Variants in LRIG2 observed in about 807,000 individuals in gnomAD.
LRIG2 encodes the protein leucine-rich repeats and immunoglobulin-like domains protein 2.
Under a neutral mutation model 107.8 loss-of-function variants are expected in LRIG2, and 93 were observed. The ratio of observed to expected loss-of-function variants is 0.86; its 90% CI spans 0.73 to 1.03. LRIG2 has a LOEUF of 1.03. LRIG2 is among the 50% of genes least tolerant of loss of function. The pLI is 0.00. For missense variants in LRIG2, 1,226 were observed against 1,296.0 expected, an observed-to-expected ratio of 0.95 and a Z score of 0.83; for synonymous variants, 471 against 470.6, an observed-to-expected ratio of 1.00 and a Z score of -0.01.
chr1:113,112,557 A>AG lies in LRIG2; in HGVS notation c.1880dup (p.His628ThrfsTer15). ...ATGGCCAGATTAGAATGTGCTGCAG[A>AG]GGGACACCCTGCACCTCAGATTTCC... On this transcript the variant is annotated frameshift_variant, in exon 14 of 18. Coordinates refer to ENST00000361127, the MANE Select transcript of LRIG2 (RefSeq NM_014813.3). LOFTEE classifies it high-confidence loss of function. 1 of 1,614,128 alleles carries AG rather than the reference A, an allele frequency of 6.2e-7. No homozygotes were observed. Among genetic ancestry groups the AG allele is most frequent in the Non-Finnish European group, 8.5e-7 (1 of 1,179,958 alleles).
chr1:113,084,892 T>C (rs867520874), intron 1 of LRIG2, among the ~76,000 whole-genome samples: 1 of 152,206 alleles, frequency 6.6e-6, no homozygotes, highest in African/African-American at 2.4e-5. Flanking sequence ...AGAAAATGAC[T>C]CAACACATTT....
intron 1 of LRIG2, among the ~76,000 whole-genome samples, chr1:113,089,676 C>CTTTTTTTTTTT (rs35515644): frequency 9.8e-5 from 7 of 71,672 alleles, no homozygotes; most frequent in Non-Finnish European, 1.5e-4. Context: ...AGGTGGATTG[C>CTTTTTTTTTTT]TTTTTTTTTT....
At chr1:113,118,566 G>GTC (rs1655111691) in intron 16 of LRIG2, among the ~76,000 whole-genome samples, 1 of 152,148 alleles carries the variant, frequency 6.6e-6, no homozygotes, top group South Asian at 2.1e-4. Flanking sequence ...GGCATGATCT[G>GTC]TCTATCCACA....
intron 1 of LRIG2, among the ~76,000 whole-genome samples, chr1:113,089,738 G>T (rs1378169313): frequency 7.2e-6 from 1 of 138,632 alleles, no homozygotes; most frequent in Non-Finnish European, 1.5e-5. Context: ...CTGGAGTGCA[G>T]TGGTGCAATC....
intron 1 of LRIG2, among the ~76,000 whole-genome samples, chr1:113,079,555 C>T (rs1166906331): frequency 1.6e-4 from 23 of 145,874 alleles, no homozygotes; most frequent in African/African-American, 5.8e-4. Context: ...TGGTGGCGGG[C>T]GCCTGTAATC....
chr1:113,128,358 C>G lies in LRIG2; in HGVS notation c.*4257C>G, dbSNP rs1473042668. 2.6e-5 allele frequency: 4 copies of G among 152,134 alleles called. No individual in the cohort carries two copies. The highest frequency in any genetic ancestry group is 5.9e-5 in the Non-Finnish European group (4 of 68,030). 9.4% of individuals were successfully genotyped at this position (152,134 alleles called of 1,614,324 possible). A position where few individuals can be genotyped will look rare whatever the true frequency, so the allele number is the denominator to read the frequency against. On this transcript the variant is annotated 3_prime_UTR_variant, in exon 18 of 18. Coordinates refer to ENST00000361127, the MANE Select transcript of LRIG2 (RefSeq NM_014813.3). ...TGGTGTAGTTTGTACTAGACTGACTCATTAAGACCTTGTACGCTTCCTGAG... is the reference window on the plus strand; with the variant it reads ...TGGTGTAGTTTGTACTAGACTGACTGATTAAGACCTTGTACGCTTCCTGAG...
Position 113,112,547 on chromosome 1 carries a change from T to C in LRIG2, c.1867T>C (p.Cys623Arg), listed in dbSNP as rs1433894143. 7 of 1,614,176 alleles carry C rather than the reference T, an allele frequency of 4.3e-6. No individual in the cohort carries two copies. The highest frequency in any genetic ancestry group is 5.9e-6 in the Non-Finnish European group (7 of 1,180,006). Residue 623 changes from cysteine to arginine, a missense_variant, in exon 14 of 18, where the codon TGT becomes CGT. By Grantham distance (180) the Cys-to-Arg change is radical (BLOSUM62 -3). Around this residue, in one of 3 missense-constraint regions of LRIG2, gnomAD observed 642 missense variants for 712.2 expected, o/e 0.90. Transcript: ENST00000361127. The stretch of plus-strand genomic sequence containing the variant: ...CACTGGTGCCATGGCCAGATTAGAA[T>C]GTGCTGCAGAGGGACACCCTGCACC... ...IRTGAMARLE[C>R]AAEGHPAPQI...
chr1:113,118,906 T>C (rs1655126533), intron 16 of LRIG2, among the ~76,000 whole-genome samples: 2 of 152,082 alleles, frequency 1.3e-5, no homozygotes, highest in Admixed American at 6.5e-5. Flanking sequence ...CCTTGTGATC[T>C]GCCCGCCTCG....
chr1:113,100,271 C>A lies in LRIG2; in HGVS notation c.1233C>A (p.Ser411=). ...ITKKAFIGLE[S]LEHLDLNNNA... ...AGAAAGCATTCATTGGTCTTGAATC[C>A]CTTGAGCATCTGTAAGTATTTTGCA... is the stretch of plus-strand genomic sequence containing the variant. Residue 411 remains serine (S), a synonymous_variant, in exon 10 of 18, where the codon TCC becomes TCA. Transcript: ENST00000361127. The A allele has an allele frequency of 6.3e-7, 1 of 1,586,786 alleles. No individual in the cohort carries two copies. Among genetic ancestry groups the A allele is most frequent in the Non-Finnish European group, 8.6e-7 (1 of 1,160,460 alleles).
intron 1 of LRIG2, among the ~76,000 whole-genome samples, chr1:113,076,287 C>T (rs1045341939): frequency 1.3e-5 from 2 of 152,098 alleles, no homozygotes; most frequent in South Asian, 2.1e-4. Context: ...ATTACAGGCA[C>T]GAGCCACTGC....
At chr1:113,097,161 T>C (rs1008986285) in intron 8 of LRIG2, among the ~76,000 whole-genome samples, 5 of 151,214 alleles carry the variant, frequency 3.3e-5, no homozygotes, top group Non-Finnish European at 5.9e-5. Flanking sequence ...AGAATGTGTT[T>C]TTGTGAACTT....
chr1:113,113,231 G>C (rs1397051239), intron 14 of LRIG2, among the ~76,000 whole-genome samples: 1 of 143,720 alleles, frequency 7.0e-6, no homozygotes, highest in Non-Finnish European at 1.5e-5. Flanking sequence ...AAAAAAAGAT[G>C]TGTTTTCTGG....
rs1265943374 is a variant in LRIG2 at position 113,130,014 on chromosome 1, C to T, written c.*5913C>T. The T allele has an allele frequency of 2.6e-5, 4 of 152,140 alleles. No homozygotes were observed. The highest frequency in any genetic ancestry group is 4.8e-5 in the African/African-American group (2 of 41,424). The allele number at this position is 152,140 out of a possible 1,614,324, so 9.4% of individuals were successfully genotyped here. ...TCTCAAGCCCAAGTGATCCTCCCACCTCAACCACCTGAGTAGCTGTGCCAC... is the reference window on the plus strand; with the variant it reads ...TCTCAAGCCCAAGTGATCCTCCCACTTCAACCACCTGAGTAGCTGTGCCAC... On this transcript the variant is annotated 3_prime_UTR_variant, in exon 18 of 18. Coordinates refer to ENST00000361127, the MANE Select transcript of LRIG2 (RefSeq NM_014813.3).
At position 113,073,717 on chromosome 1, in the gene LRIG2, G is replaced by A. The variant is rs1652822446; in HGVS notation, c.239+72G>A. On this transcript the variant is annotated intron_variant, in intron 1 of 17. Transcript: ENST00000361127. Reference sequence around the variant, plus strand: ...CCCTCTACAGGGGGCAGGCAGGAGGGAGACAGGCCTGGTCGGAGGGTGTGG... The same window carrying A: ...CCCTCTACAGGGGGCAGGCAGGAGGAAGACAGGCCTGGTCGGAGGGTGTGG... The A allele has an allele frequency of 4.3e-6, 6 of 1,392,722 alleles. No homozygotes were observed. In the African/African-American group the frequency reaches 7.1e-5, roughly 16 times the overall value. 86.3% of individuals were successfully genotyped at this position (1,392,722 alleles called of 1,614,324 possible).
At chr1:113,120,557 C>T (rs536192593) in intron 17 of LRIG2, among the ~76,000 whole-genome samples, 8 of 145,700 alleles carry the variant, frequency 5.5e-5, no homozygotes, top group Admixed American at 2.1e-4. Context: ...GTTTCCCAAG[C>T]TGGAGTGCAA....
At chr1:113,108,346 C>G (rs1229468995) in intron 12 of LRIG2, among the ~76,000 whole-genome samples, 1 of 151,112 alleles carries the variant, frequency 6.6e-6, no homozygotes, top group African/African-American at 2.4e-5. Context: ...GTCTCAGCCT[C>G]CTGAGTAGCT....
At chr1:113,078,829 G>C (rs559012221) in intron 1 of LRIG2, among the ~76,000 whole-genome samples, 2 of 151,714 alleles carry the variant, frequency 1.3e-5, no homozygotes, top group African/African-American at 4.8e-5. Context: ...TAGTAGAGAT[G>C]GGGTTTCTTC....
Position 113,131,864 on chromosome 1 carries a change from G to A in LRIG2, c.*7763G>A, listed in dbSNP as rs2101084495. On this transcript the variant is annotated 3_prime_UTR_variant, in exon 18 of 18. Transcript: ENST00000361127. ...TGTGTGAAGATGGAATAGGGTGAAG[G>A]TGAAGAAACAGCTTGACTTGTGCCT... is the stretch of plus-strand genomic sequence containing the variant. 6.6e-6 allele frequency: 1 copy of A among 151,334 alleles called. No homozygotes were observed. Among genetic ancestry groups the A allele is most frequent in the East Asian group, 1.9e-4 (1 of 5,146 alleles). 9.4% of individuals were successfully genotyped at this position (151,334 alleles called of 1,614,324 possible). A position where few individuals can be genotyped will look rare whatever the true frequency, so the allele number is the denominator to read the frequency against.
intron 1 of LRIG2, among the ~76,000 whole-genome samples, chr1:113,089,752 GCTCACTACAAC>G (rs147904964): frequency 0.052 from 6,770 of 129,124 alleles, 525 homozygotes; most frequent in African/African-American, 0.18. Context: ...TGCAATCTTG[GCTCACTACAAC>G]CTCACTACAA....
Sources: gnomAD v4.1 joint callset for allele counts (sites outside exome capture counted in the v4.1 genomes callset) on GRCh38, gnomAD v4.1.1 for gene constraint, gnomAD v4.1.1 regional missense constraint, MANE v1.5 for transcripts, NCBI Gene and HGNC (gene_info 2026-07-23, HGNC 2026-07-21) for gene names.